THOC7: variants seen among roughly 807,000 people sequenced by gnomAD.
THOC7 encodes the protein NIF3L1-binding protein 1.
A neutral mutation model predicts 33.1 loss-of-function variants in THOC7; 22 were observed. The observed-to-expected ratio is 0.66, with a 90% CI of 0.47 to 0.95. The LOEUF (loss-of-function observed/expected upper bound fraction) is 0.95. THOC7 is among the 40% of genes least tolerant of loss of function. The probability of loss-of-function intolerance (pLI) is 0.00; values close to 1 mark genes in which losing one functional copy is unlikely to be tolerated. For missense variants in THOC7, 184 were observed against 245.3 expected (o/e 0.75, Z 1.67); for synonymous variants, 77 against 76.8 (o/e 1.00, Z -0.01).
At chr3:63,851,335 T>C (rs751963022) in intron 1 of THOC7, among the ~76,000 whole-genome samples, 2 of 152,212 alleles carry the variant, frequency 1.3e-5, no homozygotes, top group African/African-American at 2.4e-5. Context: ...ACCTAAGTTT[T>C]GGTTACACTC....
chr3:63,849,050 A>G (rs1292574197), intron 1 of THOC7, among the ~76,000 whole-genome samples: 2 of 152,226 alleles, frequency 1.3e-5, no homozygotes, highest in Non-Finnish European at 2.9e-5. Context: ...TGGTTATATT[A>G]TCAAGGCTCT....
At chr3:63,841,861 T>C (rs192319952) in intron 1 of THOC7, among the ~76,000 whole-genome samples, 1 of 152,326 alleles carries the variant, frequency 6.6e-6, no homozygotes, top group Non-Finnish European at 1.5e-5. Context: ...GTGAATCTGG[T>C]GGCACTGATG....
Position 63,838,054 on chromosome 3 carries a change from T to C in THOC7, c.274A>G (p.Ile92Val). 6.2e-7 allele frequency: 1 copy of C among 1,605,594 alleles called. No individual in the cohort carries two copies. The highest frequency in any genetic ancestry group is 1.3e-5 in the African/African-American group (1 of 74,608). Residue 92 changes from isoleucine (I) to valine (V), a missense_variant, in exon 4 of 8, where the codon ATA becomes GTA. Physicochemically the swap from Ile to Val is conservative, Grantham distance 29. Transcript: ENST00000295899. Reference protein sequence around the residue: ...EKIYKEIECSIAGAHEKIAEC... With the variant: ...EKIYKEIECSVAGAHEKIAEC... The stretch of plus-strand genomic sequence containing the variant: ...GCAATTTTTTCATGTGCTCCAGCTA[T>C]GCTACATTCTATATGAGAAGGTTTT...
At chr3:63,863,951 GCGCCGCCGCCGC>G (rs1161401026), upstream of THOC7, 9 of 81,296 alleles carry the variant, frequency 1.1e-4, 1 homozygote, top group East Asian at 6.3e-3. Context: ...GCGCCGCGCC[GCGCCGCCGCCGC>G]CGCCGCCGCC....
chr3:63,863,822 G>A, upstream of THOC7: 1 of 1,230,916 alleles, frequency 8.1e-7, no homozygotes, highest in African/African-American at 1.6e-5. Flanking sequence ...GGCGGCGGCG[G>A]CGCAAGCTGA....
At chr3:63,844,794 C>T (rs958440418) in intron 1 of THOC7, among the ~76,000 whole-genome samples, 1 of 152,118 alleles carries the variant, frequency 6.6e-6, no homozygotes, top group Non-Finnish European at 1.5e-5. Context: ...CTTGAATTTC[C>T]CACCCTCTAG....
Position 63,835,136 on chromosome 3 carries a change from G to A in THOC7, c.547+18C>T, listed in dbSNP as rs750026360. The A allele has an allele frequency of 6.2e-7, 1 of 1,611,540 alleles. No individual in the cohort carries two copies. On this transcript the variant is annotated intron_variant, in intron 7 of 7. Coordinates refer to ENST00000295899, the MANE Select transcript of THOC7 (RefSeq NM_025075.4). ...AAAAATCTTCATAAGCATTTACTTT[G>A]AGACTATTTCTACTTACTTTCCAAT...
rs753259452 is a variant in THOC7 at position 63,835,170 on chromosome 3, A to G, written c.531T>C (p.Leu177=). 9 of 1,613,460 alleles carry G rather than the reference A, an allele frequency of 5.6e-6. No homozygotes were observed. The highest frequency in any genetic ancestry group is 1.6e-4 in the Middle Eastern group (1 of 6,078). ...TCTACTTACTTTCCAATGTTTGCTGAAGTTCATGGATGGTACTAAGAAGAA... is the reference window on the plus strand; with the variant it reads ...TCTACTTACTTTCCAATGTTTGCTGGAGTTCATGGATGGTACTAAGAAGAA... ...FHVLLSTIHE[L]QQTLENDEKL... Residue 177 remains leucine, a synonymous_variant, in exon 7 of 8, where the codon CTT becomes CTC. Coordinates refer to ENST00000295899, the MANE Select transcript of THOC7 (RefSeq NM_025075.4).
rs768857607 is a variant in THOC7 at position 63,837,942 on chromosome 3, T to C, written c.352+34A>G. 3.8e-6 allele frequency: 6 copies of C among 1,572,670 alleles called. No homozygotes were observed. The Admixed American group carries it at 5.5e-5, about 15-fold the overall frequency. ...GCATGAAAACTGTAGTCAGTAATAA[T>C]GTATTTGCACATTAAATCCCTCAAA... is the stretch of plus-strand genomic sequence containing the variant. On this transcript the variant is annotated intron_variant, in intron 4 of 7. Transcript: ENST00000295899.
Position 63,863,794 on chromosome 3 carries a change from G to A in THOC7, c.-4C>T. 8.0e-7 allele frequency: 1 copy of A among 1,250,044 alleles called. No individual in the cohort carries two copies. The highest frequency in any genetic ancestry group is 9.9e-7 in the Non-Finnish European group (1 of 1,005,610). 77.4% of individuals were successfully genotyped at this position (1,250,044 alleles called of 1,614,324 possible). On this transcript the variant is annotated 5_prime_UTR_variant, in exon 1 of 8. It adds an upstream start codon to the 5' untranslated region. Coordinates refer to ENST00000295899, the MANE Select transcript of THOC7 (RefSeq NM_025075.4). ...CACCGTCAGTCACGGCTCCCATGGCGTGCGCGGCGGCGGCGGCGGCGGCGG... is the reference window on the plus strand; with the variant it reads ...CACCGTCAGTCACGGCTCCCATGGCATGCGCGGCGGCGGCGGCGGCGGCGG...
intron 1 of THOC7, 144 bp from the exon 2 acceptor site, chr3:63,839,917 A>G: frequency 1.6e-6 from 1 of 623,760 alleles, no homozygotes; most frequent in South Asian, 2.2e-5. Context: ...ACACTTAAAA[A>G]TGGCTAGCTA....
At chr3:63,857,629 A>G (rs1702138558) in intron 1 of THOC7, among the ~76,000 whole-genome samples, 1 of 152,228 alleles carries the variant, frequency 6.6e-6, no homozygotes, top group South Asian at 2.1e-4. Context: ...GGTCAACAAT[A>G]TTAAGGAGAC....
At chr3:63,846,618 C>T (rs946378540) in intron 1 of THOC7, among the ~76,000 whole-genome samples, 3 of 152,052 alleles carry the variant, frequency 2.0e-5, no homozygotes, top group Non-Finnish European at 4.4e-5. Flanking sequence ...CCATGTTGGC[C>T]AGGCTGGTTC....
At chr3:63,862,090 ATG>A (rs1275992304) in intron 1 of THOC7, among the ~76,000 whole-genome samples, 1 of 151,846 alleles carries the variant, frequency 6.6e-6, no homozygotes, top group Non-Finnish European at 1.5e-5. Context: ...TGTGCCCGGC[ATG>A]TGTGTGTGTT....
At chr3:63,850,134 G>A (rs1167314304) in intron 1 of THOC7, among the ~76,000 whole-genome samples, 2 of 152,086 alleles carry the variant, frequency 1.3e-5, no homozygotes, top group Non-Finnish European at 2.9e-5. Context: ...TCTTTCCCTT[G>A]ACTAGATAAT....
intron 1 of THOC7, chr3:63,845,183 AT>A: frequency 2.0e-6 from 1 of 493,678 alleles, no homozygotes; most frequent in African/African-American, 2.0e-5. Context: ...CTCTTTAAGT[AT>A]TTAAGCTCGC....
rs760475085 is a variant in THOC7, at chr3:63,839,658, C to T, written c.135G>A (p.Glu45=). The T allele has an allele frequency of 6.2e-6, 10 of 1,611,282 alleles. No individual in the cohort carries two copies. The highest frequency in any genetic ancestry group is 2.7e-5 in the African/African-American group (2 of 74,818). ...IKWCNSGSQE[E]GYSQYQRMLS... ...AAACAACAGTGAAAATGAAATACCC[C>T]TCTTCCTGGGACCCAGAGTTGCACC... Residue 45 remains glutamate (E), a splice_region_variant and synonymous_variant, in exon 2 of 8, where the codon GAG becomes GAA. Coordinates refer to ENST00000295899, the MANE Select transcript of THOC7 (RefSeq NM_025075.4).
intron 1 of THOC7, among the ~76,000 whole-genome samples, chr3:63,844,648 C>T (rs1383333802): frequency 1.3e-5 from 2 of 152,124 alleles, no homozygotes; most frequent in Non-Finnish European, 2.9e-5. Flanking sequence ...GGTTAGTAAT[C>T]TCGGAGTGAG....
At chr3:63,837,800 AAC>A (rs1189781900) in intron 4 of THOC7, among the ~76,000 whole-genome samples, 174 bp downstream of exon 4, 1 of 152,084 alleles carries the variant, frequency 6.6e-6, no homozygotes, top group Admixed American at 6.6e-5. Flanking sequence ...CATTCTTCTC[AAC>A]ACAGACTTCC....
Sources: allele counts gnomAD v4.1 joint callset (sites outside exome capture counted in the v4.1 genomes callset), GRCh38; gene constraint gnomAD v4.1.1; transcripts MANE v1.5; gene names NCBI Gene and HGNC (gene_info 2026-07-23, HGNC 2026-07-21).